The following CLIC5 variants were observed in gnomAD, a reference collection of about 807,000 sequenced individuals.
CLIC5 encodes CLIC family member 5.
CLIC5 carries 20 observed loss-of-function variants against 24.7 expected under a neutral mutation model. That is an observed-to-expected ratio of 0.81 (90% CI 0.57 to 1.18). The LOEUF is 1.18. Among genes scored for constraint, CLIC5 ranks in the 50% most tolerant of loss-of-function variants. The pLI is 0.00. For missense variants in CLIC5, 341 were observed against 326.1 expected, an observed-to-expected ratio of 1.05 and a Z score of -0.35; for synonymous variants, 159 against 135.6, an observed-to-expected ratio of 1.17 and a Z score of -1.20.
At chr6:46,058,075 A>G (rs961049800) in intron 1 of CLIC5, among the ~76,000 whole-genome samples, 6 of 78,372 alleles carry the variant, frequency 7.7e-5, no homozygotes, top group Admixed American at 1.6e-4. Flanking sequence ...ACCATTGTGT[A>G]TGTGTGTGTG....
upstream of CLIC5, among the ~76,000 whole-genome samples, chr6:46,082,079 G>A (rs1303055678): frequency 6.6e-6 from 1 of 151,936 alleles, no homozygotes; most frequent in Non-Finnish European, 1.5e-5. Flanking sequence ...CCCCTTGGGG[G>A]GTGACACTAC....
intron 1 of CLIC5, among the ~76,000 whole-genome samples, chr6:46,014,914 G>T (rs1417111011): frequency 6.6e-6 from 1 of 152,158 alleles, no homozygotes; most frequent in East Asian, 1.9e-4. Flanking sequence ...AAATAATAAC[G>T]TCGGAGAATG....
At chr6:45,893,595 G>A (rs191117301), downstream of CLIC5, among the ~76,000 whole-genome samples, 94 of 152,132 alleles carry the variant, frequency 6.2e-4, no homozygotes, top group Admixed American at 4.1e-3. Context: ...ATCCACACTC[G>A]TCGTCCCTAA....
At chr6:46,074,252 T>C (rs1010212258) in intron 1 of CLIC5, among the ~76,000 whole-genome samples, 1 of 152,182 alleles carries the variant, frequency 6.6e-6, no homozygotes, top group Admixed American at 6.5e-5. Context: ...AAAAGTTCAA[T>C]AGAAATGTTG....
At chr6:46,104,430 T>C in the CLIC5 span, among the ~76,000 whole-genome samples, 2 of 152,108 alleles carry the variant, frequency 1.3e-5, no homozygotes, top group Non-Finnish European at 2.9e-5. Flanking sequence ...GGCGAGTTTG[T>C]CTTAACAAGT....
chr6:45,956,992 T>C (rs1481935937), intron 1 of CLIC5, among the ~76,000 whole-genome samples: 1 of 152,184 alleles, frequency 6.6e-6, no homozygotes, highest in Non-Finnish European at 1.5e-5. Context: ...CCCTAGGAAC[T>C]TCTCAAGAAG....
chr6:46,041,596 C>T (rs893529645), intron 1 of CLIC5, among the ~76,000 whole-genome samples: 6 of 151,994 alleles, frequency 3.9e-5, no homozygotes, highest in African/African-American at 1.2e-4. Flanking sequence ...TGTTTCAAAA[C>T]CAAAAAATTA....
intron 6 of CLIC5, among the ~76,000 whole-genome samples, chr6:45,884,886 G>A (rs1444538990): frequency 1.4e-5 from 2 of 147,974 alleles, no homozygotes; most frequent in African/African-American, 2.5e-5. Context: ...CATCTGTCCG[G>A]AGGTTAATAA....
chr6:45,930,236 C>G (rs1004906214), intron 4 of CLIC5, among the ~76,000 whole-genome samples: 5 of 152,118 alleles, frequency 3.3e-5, no homozygotes, highest in Non-Finnish European at 7.4e-5. Flanking sequence ...TCTAGGCTAA[C>G]AGCCCTCCCA....
the CLIC5 span, among the ~76,000 whole-genome samples, chr6:46,100,511 G>C: frequency 6.6e-6 from 1 of 152,172 alleles, no homozygotes; most frequent in Non-Finnish European, 1.5e-5. Context: ...ACTAGCTACA[G>C]ATTTGCAAAC....
intron 1 of CLIC5, among the ~76,000 whole-genome samples, chr6:46,028,417 G>A (rs1767402904): frequency 1.3e-5 from 2 of 152,200 alleles, no homozygotes; most frequent in South Asian, 2.1e-4. Flanking sequence ...AAAAATAAGG[G>A]GGTCCTGTCT....
At chr6:45,991,415 C>G (rs998615325) in intron 1 of CLIC5, among the ~76,000 whole-genome samples, 1 of 152,174 alleles carries the variant, frequency 6.6e-6, no homozygotes, top group African/African-American at 2.4e-5. Context: ...CCAACACCCA[C>G]CAGAGCTTGG....
At chr6:45,921,197 T>TTAAA (rs1193388097) in intron 4 of CLIC5, among the ~76,000 whole-genome samples, 1 of 152,112 alleles carries the variant, frequency 6.6e-6, no homozygotes, top group Non-Finnish European at 1.5e-5. Context: ...CCTTTGTCTT[T>TTAAA]TAAATAATGT....
At chr6:45,972,499 T>C (rs1309072296) in intron 1 of CLIC5, among the ~76,000 whole-genome samples, 1 of 152,214 alleles carries the variant, frequency 6.6e-6, no homozygotes, top group African/African-American at 2.4e-5. Flanking sequence ...ATCTCTCCCC[T>C]GGAACTCCCA....
intron 5 of CLIC5, among the ~76,000 whole-genome samples, chr6:45,913,329 T>G (rs952628929): frequency 6.6e-6 from 1 of 152,208 alleles, no homozygotes; most frequent in Non-Finnish European, 1.5e-5. Context: ...GAAGTGCTCA[T>G]TGACAGAGCT....
intron 5 of CLIC5, chr6:45,912,244 T>G (rs2127305526): frequency 1.0e-6 from 1 of 989,430 alleles, no homozygotes; most frequent in South Asian, 4.6e-5. Flanking sequence ...ATAAGCTGGA[T>G]CAGCAGAAAT....
At chr6:46,114,762 G>T in the CLIC5 span, among the ~76,000 whole-genome samples, 2 of 152,194 alleles carry the variant, frequency 1.3e-5, no homozygotes, top group Non-Finnish European at 2.9e-5. Context: ...TGTTATGGCA[G>T]TCCTAGCAAA....
At chr6:46,118,347 T>G in the CLIC5 span, among the ~76,000 whole-genome samples, 8 of 152,198 alleles carry the variant, frequency 5.3e-5, no homozygotes, top group African/African-American at 1.9e-4. Context: ...CATGGTAATA[T>G]TCAATAAATA....
At chr6:45,926,340 T>C (rs2894657) in intron 4 of CLIC5, among the ~76,000 whole-genome samples, 45,810 of 150,424 alleles carry the variant, frequency 0.3, 7,134 homozygotes, top group East Asian at 0.48. Context: ...CTCCACCTCC[T>C]GGGTTCATGG....
Sources: gnomAD v4.1 joint callset for allele counts (sites outside exome capture counted in the v4.1 genomes callset) on GRCh38, gnomAD v4.1.1 for gene constraint, MANE v1.5 for transcripts, NCBI Gene and HGNC (gene_info 2026-07-23, HGNC 2026-07-21) for gene names.